UBR3: variants seen among roughly 807,000 people sequenced by gnomAD.
The protein encoded by UBR3 is E3 ubiquitin-protein ligase UBR3.
In UBR3, 85 loss-of-function variants were observed where a neutral mutation model predicts 243.2. The ratio of observed to expected loss-of-function variants is 0.35; its 90% confidence interval spans 0.29 to 0.42. The LOEUF (loss-of-function observed/expected upper bound fraction) is 0.42, where lower values mean the gene tolerates loss of function less well. Ranked by LOEUF, UBR3 falls within the 10% of genes least tolerant of loss-of-function variation. The pLI is 1.00. For synonymous variants in UBR3, 748 were observed against 799.8 expected (o/e 0.94, Z 1.09); for missense variants, 1,686 against 2,300.8 (o/e 0.73, Z 5.47).
intron 23 of UBR3, among the ~76,000 whole-genome samples, chr2:169,954,388 G>A (rs1213194583): frequency 6.6e-6 from 1 of 151,578 alleles, no homozygotes; most frequent in Non-Finnish European, 1.5e-5. Flanking sequence ...CTACAGGTGT[G>A]TGCCACCATG....
chr2:169,974,416 T>G (rs1365186010), intron 24 of UBR3, among the ~76,000 whole-genome samples: 2 of 152,164 alleles, frequency 1.3e-5, no homozygotes, highest in East Asian at 3.8e-4. Context: ...GTCCAGGAAT[T>G]TATCCATTTC....
At chr2:169,851,420 C>A (rs1255375810) in intron 1 of UBR3, among the ~76,000 whole-genome samples, 1 of 152,162 alleles carries the variant, frequency 6.6e-6, no homozygotes, top group African/African-American at 2.4e-5. Flanking sequence ...TGAGCCATCG[C>A]AGATTATAGG....
intron 3 of UBR3, among the ~76,000 whole-genome samples, chr2:169,876,633 C>T (rs941927699): frequency 6.6e-6 from 1 of 151,986 alleles, no homozygotes; most frequent in Non-Finnish European, 1.5e-5. Flanking sequence ...TCTCAGCCCA[C>T]TGCAACCTCT....
At chr2:170,072,431 G>A (rs1559236734) in intron 35 of UBR3, among the ~76,000 whole-genome samples, 1 of 151,456 alleles carries the variant, frequency 6.6e-6, no homozygotes, top group Non-Finnish European at 1.5e-5. Flanking sequence ...GTGGGGTAGC[G>A]GGAGGGGGGA....
intron 32 of UBR3, among the ~76,000 whole-genome samples, chr2:170,054,575 C>G (rs2091292024): frequency 6.6e-6 from 1 of 151,858 alleles, no homozygotes; most frequent in Non-Finnish European, 1.5e-5. Context: ...AGCCACCGCC[C>G]CTGGCCACAC....
At chr2:169,838,387 T>TTGTGTGTGTG (rs544974959) in intron 1 of UBR3, among the ~76,000 whole-genome samples, 24 of 114,390 alleles carry the variant, frequency 2.1e-4, no homozygotes, top group African/African-American at 3.6e-4. Flanking sequence ...ATTAAGGCAT[T>TTGTGTGTGTG]TGTGTGTGTG....
intron 1 of UBR3, among the ~76,000 whole-genome samples, chr2:169,852,873 A>AAAAAAAAC (rs2082709056): frequency 7.0e-6 from 1 of 143,210 alleles, no homozygotes; most frequent in African/African-American, 2.5e-5. Context: ...AAAAAAAAAA[A>AAAAAAAAC]AAAAACAAAA....
At chr2:169,946,202 A>G in intron 20 of UBR3, 86 bp from the exon 21 acceptor site, 11 of 759,972 alleles carry the variant, frequency 1.4e-5, no homozygotes, top group East Asian at 3.2e-5. Context: ...CTTTTCGTCT[A>G]GAACAGTAAA....
chr2:169,861,725 T>C (rs1309503437), intron 1 of UBR3, among the ~76,000 whole-genome samples: 9 of 152,204 alleles, frequency 5.9e-5, no homozygotes, highest in African/African-American at 2.2e-4. Flanking sequence ...TTTATGTTTA[T>C]GTAGTTATTA....
intron 30 of UBR3, among the ~76,000 whole-genome samples, chr2:170,027,419 A>C (rs538790935): frequency 7.9e-5 from 12 of 151,706 alleles, no homozygotes; most frequent in Non-Finnish European, 1.5e-4. Flanking sequence ...ATGATGAAAA[A>C]CTTTTCTACT....
At chr2:169,962,980 G>T (rs1380615238) in intron 24 of UBR3, among the ~76,000 whole-genome samples, 2 of 152,154 alleles carry the variant, frequency 1.3e-5, no homozygotes, top group East Asian at 3.9e-4. Context: ...GTCAGATTTG[G>T]ATTAGGGTTG....
intron 29 of UBR3, among the ~76,000 whole-genome samples, chr2:170,010,973 G>A (rs1352781459): frequency 6.6e-6 from 1 of 151,916 alleles, no homozygotes; most frequent in Non-Finnish European, 1.5e-5. Context: ...GACCCGCCTG[G>A]ACAACATAGT....
At chr2:170,081,645 T>C in intron 38 of UBR3, 81 bp from the exon 39 acceptor site, 7 of 1,090,544 alleles carry the variant, frequency 6.4e-6, no homozygotes, top group Non-Finnish European at 9.1e-6. Context: ...CGAGAGACTG[T>C]CTCAGAAAAA....
At chr2:170,064,990 C>T (rs1220762008) in intron 35 of UBR3, among the ~76,000 whole-genome samples, 1 of 150,210 alleles carries the variant, frequency 6.7e-6, no homozygotes, top group Non-Finnish European at 1.5e-5. Context: ...TTACAGGCAT[C>T]CACCACCACA....
chr2:170,058,348 A>G (rs1252139211), intron 33 of UBR3, among the ~76,000 whole-genome samples: 5 of 152,102 alleles, frequency 3.3e-5, no homozygotes, highest in African/African-American at 1.2e-4. Context: ...AGGGGTGTTA[A>G]TTTGATAATG....
At chr2:170,071,075 C>A (rs185699115) in intron 35 of UBR3, among the ~76,000 whole-genome samples, 1 of 152,224 alleles carries the variant, frequency 6.6e-6, no homozygotes, top group Non-Finnish European at 1.5e-5. Context: ...AGTGATAATA[C>A]CAAGTGTTGG....
chr2:169,988,654 T>C (rs116251685), intron 25 of UBR3, among the ~76,000 whole-genome samples: 1,778 of 152,042 alleles, frequency 0.012, 49 homozygotes, highest in African/African-American at 0.04. Flanking sequence ...AAAGTAAAAT[T>C]AGACAGGTGT....
intron 19 of UBR3, among the ~76,000 whole-genome samples, chr2:169,939,103 T>C (rs902014751): frequency 6.6e-6 from 1 of 152,236 alleles, no homozygotes; most frequent in African/African-American, 2.4e-5. Flanking sequence ...TTATTCCTAT[T>C]ATTTATTTGT....
rs1394198984 is a variant in UBR3, at chr2:169,905,248, C to G, written c.1600C>G (p.His534Asp). Residue 534 changes from histidine to aspartate, a missense_variant, in exon 9 of 39, where the codon CAC becomes GAC. Transcript: ENST00000272793. ...QSVAKRFLED[H>D]GLLVTWMNFV... is the part of the protein sequence containing the mutation. ...TGTGGCCAAGAGATTTTTGGAGGATCACGGTTTGTTAGTTACATGGATGAA... is the reference window on the plus strand; with the variant it reads ...TGTGGCCAAGAGATTTTTGGAGGATGACGGTTTGTTAGTTACATGGATGAA... 1 of 1,543,314 alleles carries G rather than the reference C, an allele frequency of 6.5e-7. No homozygotes were observed. The highest frequency in any genetic ancestry group is 2.5e-5 in the East Asian group (1 of 40,518).
Sources: gnomAD v4.1 joint callset for allele counts (sites outside exome capture counted in the v4.1 genomes callset) on GRCh38, gnomAD v4.1.1 for gene constraint, MANE v1.5 for transcripts, NCBI Gene and HGNC (gene_info 2026-07-23, HGNC 2026-07-21) for gene names.